The following PIK3R6 variants were observed in gnomAD, a reference collection of about 807,000 sequenced individuals.
PIK3R6 encodes phosphoinositide-3-kinase regulatory subunit 6, also known as phosphoinositide 3-kinase regulatory subunit 6.
PIK3R6 carries 91 observed loss-of-function variants against 84.9 expected under a neutral mutation model. That is an observed-to-expected ratio of 1.07 (90% CI 0.90 to 1.28). The LOEUF is 1.28. Ranked by LOEUF, PIK3R6 falls within the 50% of genes most tolerant of loss-of-function variation. PIK3R6 has a pLI of 0.00. For synonymous variants in PIK3R6, 416 were observed against 411.4 expected, an observed-to-expected ratio of 1.01 and a Z score of -0.13; for missense variants, 996 against 985.1, an observed-to-expected ratio of 1.01 and a Z score of -0.15.
chr17:8,805,857 G>T (rs954854372), intron 18 of PIK3R6, among the ~76,000 whole-genome samples: 1 of 151,916 alleles, frequency 6.6e-6, no homozygotes, highest in African/African-American at 2.4e-5. Flanking sequence ...GGCAGAGATT[G>T]CAGTGAGCTG....
intron 18 of PIK3R6, among the ~76,000 whole-genome samples, chr17:8,815,660 C>T (rs141697026): frequency 2.0e-5 from 3 of 152,166 alleles, no homozygotes; most frequent in South Asian, 2.1e-4. Flanking sequence ...TAAATAGCCA[C>T]GTGGGGATGG....
intron 2 of PIK3R6, among the ~76,000 whole-genome samples, chr17:8,846,568 C>T (rs193179614): frequency 1.3e-5 from 2 of 152,202 alleles, no homozygotes; most frequent in Admixed American, 1.3e-4. Context: ...GACATTTTAA[C>T]AATATTGATT....
At chr17:8,833,780 TCTGC>T (rs2088347524) in intron 8 of PIK3R6, among the ~76,000 whole-genome samples, 1 of 151,952 alleles carries the variant, frequency 6.6e-6, no homozygotes, top group Non-Finnish European at 1.5e-5. Context: ...GACCTCATGA[TCTGC>T]CTGCCTTGGC....
At position 8,819,127 on chromosome 17, in the gene PIK3R6, T is replaced by A; in HGVS notation, c.1951A>T (p.Thr651Ser). The change falls in exon 18 of 20, where the codon ACA (threonine) becomes TCA (serine). Residue 651 changes from threonine (T) to serine (S), a missense_variant. By Grantham distance (58) the Thr-to-Ser change is moderately conservative. Coordinates refer to ENST00000619866, the MANE Select transcript of PIK3R6 (RefSeq NM_001010855.4). ...TDHTCLNVNV[T>S]EVVKSSNLAG... ...AAGTTGGAGGACTTGACAACCTCTGTCACGTTGACATTCAGACATGTGTGG... is the reference window on the plus strand; with the variant it reads ...AAGTTGGAGGACTTGACAACCTCTGACACGTTGACATTCAGACATGTGTGG... 6.2e-7 allele frequency: 1 copy of A among 1,609,874 alleles called. No homozygotes were observed. Among genetic ancestry groups the A allele is most frequent in the Non-Finnish European group, 8.5e-7 (1 of 1,178,248 alleles).
chr17:8,864,277 G>A (rs1216111598), intron 1 of PIK3R6, among the ~76,000 whole-genome samples: 1 of 152,096 alleles, frequency 6.6e-6, no homozygotes, highest in Non-Finnish European at 1.5e-5. Context: ...AGGGTTCCTG[G>A]GCTATGATGC....
rs550614598 is a variant in PIK3R6, at chr17:8,803,179, G to A, written c.*94C>T. The A allele has an allele frequency of 1.6e-4, 248 of 1,520,016 alleles. No individual in the cohort carries two copies. In the South Asian group the frequency reaches 2.3e-3, roughly 14 times the overall value. The allele number at this position is 1,520,016 out of a possible 1,614,324, so 94.2% of individuals were successfully genotyped here. On this transcript the variant is annotated 3_prime_UTR_variant, in exon 20 of 20. Transcript: ENST00000619866. This position sits in a 1 kb window ranked among gnomAD's most constrained non-coding sequence, Gnocchi z 5.0. ...GCTCCTGGTCAAGGCCAAAGCTGCC[G>A]TGTGGAGCCGGGCCTTGCTCTGGCT...
At chr17:8,843,730 A>T (rs1298656362) in intron 2 of PIK3R6, among the ~76,000 whole-genome samples, 1 of 152,116 alleles carries the variant, frequency 6.6e-6, no homozygotes, top group Non-Finnish European at 1.5e-5. Context: ...AAAATCTGAC[A>T]ATCTGCTGAC....
intron 8 of PIK3R6, among the ~76,000 whole-genome samples, chr17:8,834,364 G>A (rs2088376988): frequency 2.0e-5 from 3 of 150,736 alleles, no homozygotes; most frequent in Admixed American, 6.6e-5. Flanking sequence ...GAAGAGAGAT[G>A]GGAACAGGTC....
chr17:8,858,149 T>G (rs2089187272), intron 1 of PIK3R6, among the ~76,000 whole-genome samples: 1 of 152,146 alleles, frequency 6.6e-6, no homozygotes, highest in African/African-American at 2.4e-5. Context: ...CCCCAGGGGA[T>G]GAGCTTGCAC....
intron 9 of PIK3R6, among the ~76,000 whole-genome samples, chr17:8,831,956 G>C (rs1449075382): frequency 3.3e-5 from 5 of 152,210 alleles, no homozygotes; most frequent in Non-Finnish European, 7.3e-5. Context: ...CCTTGCATAA[G>C]ATAAGGCGTT....
chr17:8,819,798 A>G (rs2151202548), intron 17 of PIK3R6, among the ~76,000 whole-genome samples: 1 of 147,266 alleles, frequency 6.8e-6, no homozygotes, highest in South Asian at 2.1e-4. Context: ...ATGTGTATAT[A>G]TAGACACACA....
chr17:8,822,974 C>G, intron 15 of PIK3R6, 22 bp downstream of exon 15: 1 of 1,565,180 alleles, frequency 6.4e-7, no homozygotes, highest in Non-Finnish European at 8.8e-7. Flanking sequence ...TGACCTTTGG[C>G]AAAAGGGAGG....
At chr17:8,819,671 C>CATATATATATATAT (rs148918327) in intron 17 of PIK3R6, among the ~76,000 whole-genome samples, 217 of 133,558 alleles carry the variant, frequency 1.6e-3, no homozygotes, top group African/African-American at 4.9e-3. Flanking sequence ...TTTTTTTGTG[C>CATATATATATATAT]ATATATATAT....
chr17:8,835,350 G>T lies in PIK3R6; in HGVS notation c.568C>A (p.Arg190Ser). Reference sequence around the variant, plus strand: ...TGCAGGGCGTGGGAGACCACGTGGCGCATGCAGGTCTCTGGTGTCTGCTGC... The same window carrying T: ...TGCAGGGCGTGGGAGACCACGTGGCTCATGCAGGTCTCTGGTGTCTGCTGC... ...QAQQTPETCM[R>S]HVVSHALQAA... is the part of the protein sequence containing the mutation. The change falls in exon 8 of 20, where the codon CGC becomes AGC. Residue 190 changes from arginine (R) to serine (S), a missense_variant. Transcript: ENST00000619866. 6.2e-7 allele frequency: 1 copy of T among 1,610,782 alleles called. No individual in the cohort carries two copies. Among genetic ancestry groups the T allele is most frequent in the East Asian group, 2.2e-5 (1 of 44,792 alleles).
In PIK3R6 at chr17:8,867,631, C is replaced by A; in HGVS notation, c.-194G>T. ...CAGAGAAGCAGATGTCTTGGGGGAG[C>A]CTCCACGGGTGTCTGTGGTCTTGAC... is the stretch of plus-strand genomic sequence containing the variant. On this transcript the variant is annotated 5_prime_UTR_variant, in exon 1 of 20. Transcript: ENST00000619866. The A allele has an allele frequency of 2.0e-6, 1 of 496,384 alleles. No individual in the cohort carries two copies. Among genetic ancestry groups the A allele is most frequent in the Admixed American group, 2.0e-5 (1 of 50,604 alleles). 30.7% of individuals were successfully genotyped at this position (496,384 alleles called of 1,614,324 possible).
intron 1 of PIK3R6, among the ~76,000 whole-genome samples, chr17:8,864,527 C>CTGT (rs1491472760): frequency 2.4e-4 from 30 of 126,912 alleles, no homozygotes; most frequent in African/African-American, 7.9e-4. Context: ...TCCTTCACAG[C>CTGT]TCTTTTTTTT....
rs751272072 is a variant in PIK3R6 at position 8,865,556 on chromosome 17, C to T, written c.-92+1973G>A. ...CCCTCTTCTCCCACCAGAGCTGCCT[C>T]GTGCCCTCAGGGTTTCAGGGGCAGC... On this transcript the variant is annotated intron_variant, in intron 1 of 19. Transcript: ENST00000619866. 8.4e-4 allele frequency among the ~76,000 whole-genome samples: 128 copies of T among 151,990 alleles called. 1 individual carries two copies. Among genetic ancestry groups the T allele is most frequent in the African/African-American group, 2.9e-3 (120 of 41,406 alleles).
At chr17:8,854,470 A>C (rs2089072593) in intron 1 of PIK3R6, among the ~76,000 whole-genome samples, 1 of 152,218 alleles carries the variant, frequency 6.6e-6, no homozygotes, top group African/African-American at 2.4e-5. Flanking sequence ...TTTAAGAATT[A>C]CTATAAAGTT....
In PIK3R6 at chr17:8,862,677, T is replaced by C. The variant is rs536201469; in HGVS notation, c.-92+4852A>G. On this transcript the variant is annotated intron_variant, in intron 1 of 19. Transcript: ENST00000619866. The surrounding 1 kb of genome is among the most constrained non-coding windows in gnomAD (Gnocchi z 4.3). The stretch of plus-strand genomic sequence containing the variant: ...AGGTACTGACCAATCAAACATGCCA[T>C]GAGCATGTTTTAGATGAGCATGTCA... 4.6e-5 allele frequency among the ~76,000 whole-genome samples: 7 copies of C among 152,300 alleles called. No homozygotes were observed. In the South Asian group the frequency reaches 1.2e-3, roughly 27 times the overall value.
Sources: gnomAD v4.1 joint callset for allele counts (sites outside exome capture counted in the v4.1 genomes callset) on GRCh38, gnomAD v4.1.1 for gene constraint, Gnocchi (gnomAD v3.1) non-coding constraint, MANE v1.5 for transcripts, NCBI Gene and HGNC (gene_info 2026-07-23, HGNC 2026-07-21) for gene names.